Variants in CSMD1 observed in about 807,000 individuals in gnomAD.
CSMD1 encodes the protein CUB and sushi domain-containing protein 1.
In CSMD1, 213 loss-of-function variants were observed where a neutral mutation model predicts 417.5. That is an observed-to-expected ratio of 0.51 (90% CI 0.46 to 0.57). The LOEUF is 0.57. Among genes scored for constraint, CSMD1 ranks in the 20% least tolerant of loss-of-function variants. CSMD1 has a pLI of 0.00. For missense variants in CSMD1, 6,923 were observed against 4,529.7 expected (o/e 1.53, Z -15.17); for synonymous variants, 2,862 against 1,736.8 (o/e 1.65, Z -16.11).
intron 3 of CSMD1, among the ~76,000 whole-genome samples, chr8:4,135,808 A>G (rs894934154): frequency 3.3e-5 from 5 of 152,192 alleles, no homozygotes; most frequent in African/African-American, 1.2e-4. Context: ...GTTAATATCC[A>G]TTTTTAAACA....
At chr8:4,191,576 G>C (rs906748535) in intron 3 of CSMD1, among the ~76,000 whole-genome samples, 2 of 152,000 alleles carry the variant, frequency 1.3e-5, no homozygotes, top group South Asian at 2.1e-4. Context: ...CTTCATCCAT[G>C]AATCACTGTT....
intron 3 of CSMD1, among the ~76,000 whole-genome samples, chr8:4,046,645 G>T (rs979888175): frequency 2.7e-4 from 41 of 152,154 alleles, no homozygotes; most frequent in African/African-American, 9.9e-4. Context: ...AACAACAAGT[G>T]TGCAGATAGG....
chr8:3,433,302 T>C (rs546023663), intron 12 of CSMD1, among the ~76,000 whole-genome samples: 1 of 152,228 alleles, frequency 6.6e-6, no homozygotes, highest in Non-Finnish European at 1.5e-5. Flanking sequence ...TAGCTTTATT[T>C]TGATTTCCTT....
chr8:3,866,137 C>G (rs975520445), intron 5 of CSMD1, among the ~76,000 whole-genome samples: 4 of 152,130 alleles, frequency 2.6e-5, no homozygotes, highest in African/African-American at 9.7e-5. Context: ...TTTATGAATA[C>G]TCTGAAGATA....
chr8:3,142,442 C>T (rs765467819), intron 41 of CSMD1, 23 bp downstream of exon 41: 113 of 1,588,510 alleles, frequency 7.1e-5, no homozygotes, highest in Non-Finnish European at 9.6e-5. Context: ...ATTTGGGTTT[C>T]GGTTCTCGTT....
At chr8:4,369,840 C>G (rs375711949) in intron 3 of CSMD1, among the ~76,000 whole-genome samples, 2 of 152,216 alleles carry the variant, frequency 1.3e-5, no homozygotes, top group African/African-American at 4.8e-5. Flanking sequence ...ACTTGTAAGA[C>G]GAGTATCTGG....
intron 3 of CSMD1, among the ~76,000 whole-genome samples, chr8:4,058,791 G>T (rs948071954): frequency 6.7e-6 from 1 of 149,558 alleles, no homozygotes; most frequent in Non-Finnish European, 1.5e-5. Context: ...GATTCATAAA[G>T]CAAGTCCTGA....
chr8:3,064,052 C>G (rs1194985907), intron 49 of CSMD1, among the ~76,000 whole-genome samples: 1 of 152,202 alleles, frequency 6.6e-6, no homozygotes, highest in East Asian at 1.9e-4. Context: ...CCAATCAGTA[C>G]TTTTCAATTT....
intron 4 of CSMD1, among the ~76,000 whole-genome samples, chr8:4,010,608 C>T (rs1816469054): frequency 6.6e-6 from 1 of 152,106 alleles, no homozygotes; most frequent in Non-Finnish European, 1.5e-5. Flanking sequence ...GAGCCCAACT[C>T]TCCATACCAG....
intron 2 of CSMD1, among the ~76,000 whole-genome samples, chr8:4,510,840 C>T (rs1802784755): frequency 7.2e-6 from 1 of 138,290 alleles, no homozygotes; most frequent in South Asian, 2.7e-4. Flanking sequence ...CTTCCTCCCT[C>T]CCTCCTCCCT....
At chr8:4,720,158 C>T (rs1002373135) in intron 1 of CSMD1, among the ~76,000 whole-genome samples, 3 of 120,730 alleles carry the variant, frequency 2.5e-5, no homozygotes, top group Admixed American at 1.0e-4. Context: ...TAGACGTATA[C>T]ATACATATAA....
chr8:4,100,726 C>A (rs923462007), intron 3 of CSMD1, among the ~76,000 whole-genome samples: 2 of 152,160 alleles, frequency 1.3e-5, no homozygotes, highest in Admixed American at 6.5e-5. Context: ...AACTTCCACA[C>A]TGCTGTTCTA....
intron 7 of CSMD1, among the ~76,000 whole-genome samples, chr8:3,695,577 T>A (rs908875461): frequency 3.9e-5 from 6 of 152,152 alleles, no homozygotes; most frequent in African/African-American, 1.4e-4. Flanking sequence ...ATAATATTAT[T>A]TTGAAGGATG....
At chr8:4,455,759 C>A (rs931557549) in intron 2 of CSMD1, among the ~76,000 whole-genome samples, 1 of 150,940 alleles carries the variant, frequency 6.6e-6, no homozygotes, top group Non-Finnish European at 1.5e-5. Flanking sequence ...GGTGAAACCC[C>A]GTCTCTACTA....
chr8:3,263,968 A>AT (rs1319188718), intron 26 of CSMD1, among the ~76,000 whole-genome samples: 2 of 152,190 alleles, frequency 1.3e-5, no homozygotes, highest in Non-Finnish European at 2.9e-5. Context: ...ATAAAATTCT[A>AT]TTTTTTGCAT....
At chr8:3,584,790 T>C (rs1191424385) in intron 9 of CSMD1, among the ~76,000 whole-genome samples, 1 of 149,048 alleles carries the variant, frequency 6.7e-6, no homozygotes, top group Admixed American at 6.6e-5. Context: ...TATTGAAGGA[T>C]TTTTTTTTCC....
chr8:3,428,856 A>C (rs1445155027), intron 12 of CSMD1, among the ~76,000 whole-genome samples: 1 of 152,230 alleles, frequency 6.6e-6, no homozygotes, highest in Non-Finnish European at 1.5e-5. Flanking sequence ...CTATTTGGTC[A>C]TAAAAAAGAA....
chr8:3,161,873 A>C (rs1017957479), intron 38 of CSMD1, among the ~76,000 whole-genome samples: 1 of 152,152 alleles, frequency 6.6e-6, no homozygotes, highest in African/African-American at 2.4e-5. Flanking sequence ...GACAGTGTTG[A>C]TATTTTGCCC....
intron 2 of CSMD1, among the ~76,000 whole-genome samples, chr8:4,541,980 T>C (rs1275747912): frequency 6.6e-6 from 1 of 152,120 alleles, no homozygotes; most frequent in Non-Finnish European, 1.5e-5. Flanking sequence ...ACCTCAGATG[T>C]GGAGGAAGAA....
Sources: gnomAD v4.1 joint callset for allele counts (sites outside exome capture counted in the v4.1 genomes callset) on GRCh38, gnomAD v4.1.1 for gene constraint, MANE v1.5 for transcripts, NCBI Gene and HGNC (gene_info 2026-07-23, HGNC 2026-07-21) for gene names.